The following TRAPPC9 variants were observed in gnomAD, a reference collection of about 807,000 sequenced individuals.
TRAPPC9 encodes the protein trafficking protein particle complex subunit 9.
A neutral mutation model predicts 124.0 loss-of-function variants in TRAPPC9; 83 were observed. The observed-to-expected ratio is 0.67, with a 90% CI of 0.56 to 0.80. The LOEUF (loss-of-function observed/expected upper bound fraction) is 0.80. Among genes scored for constraint, TRAPPC9 ranks in the 30% least tolerant of loss-of-function variants. The probability of loss-of-function intolerance (pLI) is 0.00; values close to 1 mark genes in which losing one functional copy is unlikely to be tolerated. For missense variants in TRAPPC9, 1,302 were observed against 1,508.3 expected (o/e 0.86, Z 2.27); for synonymous variants, 638 against 617.5 (o/e 1.03, Z -0.49).
At chr8:140,071,645 G>A (rs1027663558) in intron 17 of TRAPPC9, among the ~76,000 whole-genome samples, 2 of 151,366 alleles carry the variant, frequency 1.3e-5, no homozygotes, top group Admixed American at 6.6e-5. Flanking sequence ...GGACGGTAAC[G>A]CCTGCCCCAC....
At chr8:140,274,136 T>C (rs1029329425) in intron 15 of TRAPPC9, among the ~76,000 whole-genome samples, 2 of 151,918 alleles carry the variant, frequency 1.3e-5, no homozygotes, top group Non-Finnish European at 2.9e-5. Flanking sequence ...ATTTAGCATA[T>C]AACAATTTGC....
chr8:140,094,997 A>G (rs921339854), intron 17 of TRAPPC9: 3 of 152,232 alleles, frequency 2.0e-5, no homozygotes, highest in Non-Finnish European at 2.9e-5. Flanking sequence ...GAAATAGTAA[A>G]TGCATAACCC....
chr8:139,963,773 A>C lies in TRAPPC9; in HGVS notation c.2810+24953T>G, dbSNP rs1410368765. 1.2e-4 allele frequency among the ~76,000 whole-genome samples: 13 copies of C among 109,374 alleles called. No individual in the cohort carries two copies. The South Asian group carries it at 2.9e-3, about 25-fold the overall frequency. 71.8% of individuals were successfully genotyped at this position (109,374 alleles called of 152,430 possible). A position where few individuals can be genotyped will look rare whatever the true frequency, so the allele number is the denominator to read the frequency against. On this transcript the variant is annotated intron_variant, in intron 19 of 22. Coordinates refer to ENST00000438773, the MANE Select transcript of TRAPPC9 (RefSeq NM_001160372.4). ...CCAAAAAAAAAAAAAAAAAAAAAAA[A>C]AAAACAACTACAGACCAAGTCTCAA...
intron 21 of TRAPPC9, among the ~76,000 whole-genome samples, chr8:139,856,579 C>T (rs1827811247): frequency 6.6e-6 from 1 of 152,168 alleles, no homozygotes; most frequent in Admixed American, 6.5e-5. Context: ...AACAGCAAAG[C>T]AGCTGGACAG....
chr8:140,177,057 C>A (rs1016713612), intron 17 of TRAPPC9, among the ~76,000 whole-genome samples: 1 of 152,136 alleles, frequency 6.6e-6, no homozygotes, highest in Non-Finnish European at 1.5e-5. Context: ...GTCTTTTTAA[C>A]AGATACATGT....
chr8:140,303,566 G>C (rs914828840), intron 10 of TRAPPC9, among the ~76,000 whole-genome samples: 5 of 152,214 alleles, frequency 3.3e-5, no homozygotes, highest in African/African-American at 9.7e-5. Flanking sequence ...TGTGGGCTTG[G>C]CTGCCTCCTG....
chr8:140,383,837 G>A (rs1311405253), intron 7 of TRAPPC9, among the ~76,000 whole-genome samples: 1 of 152,068 alleles, frequency 6.6e-6, no homozygotes, highest in Non-Finnish European at 1.5e-5. Context: ...TCCTCAAGAA[G>A]AGCAACTCCA....
In TRAPPC9 at chr8:139,957,572, G is replaced by T. The variant is rs562099085; in HGVS notation, c.2810+31154C>A. Among the ~76,000 whole-genome samples the T allele has an allele frequency of 9.0e-4, 137 of 152,272 alleles. 1 individual carries two copies. The highest frequency in any genetic ancestry group is 1.6e-3 in the Non-Finnish European group (108 of 68,018). On this transcript the variant is annotated intron_variant, in intron 19 of 22. Transcript: ENST00000438773. ...TACCATGCCTTCTGGCGCCTGGCAC[G>T]TGTGCTCAGTACACAGAGCTGTGCT... is the stretch of plus-strand genomic sequence containing the variant.
At chr8:140,022,625 A>G (rs931343232) in intron 18 of TRAPPC9, among the ~76,000 whole-genome samples, 3 of 152,230 alleles carry the variant, frequency 2.0e-5, no homozygotes, top group African/African-American at 7.2e-5. Flanking sequence ...TGAGGGGATG[A>G]GAGAGAAACA....
intron 21 of TRAPPC9, among the ~76,000 whole-genome samples, chr8:139,819,943 G>A (rs1389823286): frequency 2.8e-5 from 4 of 142,328 alleles, no homozygotes; most frequent in African/African-American, 5.2e-5. Flanking sequence ...GGGAGGCAGA[G>A]GTTGCAGTGA....
chr8:140,195,257 A>C (rs1452223870), intron 17 of TRAPPC9, among the ~76,000 whole-genome samples: 1 of 149,618 alleles, frequency 6.7e-6, no homozygotes, highest in African/African-American at 2.5e-5. Context: ...ACTAAAACAC[A>C]CAACGATCCA....
At chr8:140,447,418 C>G (rs982334606) in intron 2 of TRAPPC9, among the ~76,000 whole-genome samples, 2 of 152,000 alleles carry the variant, frequency 1.3e-5, no homozygotes, top group Admixed American at 6.6e-5. Flanking sequence ...TTTAATGCAA[C>G]ATGTTGACAG....
intron 19 of TRAPPC9, among the ~76,000 whole-genome samples, chr8:139,928,740 A>C (rs1003152459): frequency 1.3e-5 from 2 of 148,250 alleles, no homozygotes; most frequent in Non-Finnish European, 3.0e-5. Flanking sequence ...CCCTCTCTCC[A>C]CTCCTGAGAG....
rs568346392 is a variant in TRAPPC9 at position 140,443,048 on chromosome 8, G to A, written c.585-3851C>T. On this transcript the variant is annotated intron_variant, in intron 2 of 22. Transcript: ENST00000438773. Reference sequence around the variant, plus strand: ...CTCAGGAGGCTGAGGCAGGAGAATCGCTTGAACCCGGAAGGCAGAGGTTGC... The same window carrying A: ...CTCAGGAGGCTGAGGCAGGAGAATCACTTGAACCCGGAAGGCAGAGGTTGC... 2.1e-4 allele frequency among the ~76,000 whole-genome samples: 30 copies of A among 145,590 alleles called. 1 individual carries two copies. The East Asian group carries it at 4.7e-3, about 23-fold the overall frequency.
intron 1 of TRAPPC9, among the ~76,000 whole-genome samples, chr8:140,455,653 T>G (rs2071631578): frequency 6.6e-6 from 1 of 151,722 alleles, no homozygotes; most frequent in Admixed American, 6.6e-5. Context: ...ATGGTCTCGA[T>G]CTCTTGACCT....
At chr8:139,910,049 T>G (rs552509164) in intron 20 of TRAPPC9, 98 bp downstream of exon 20, 358 of 1,428,474 alleles carry the variant, frequency 2.5e-4, no homozygotes, top group Non-Finnish European at 3.3e-4. Context: ...CTACCTGTGG[T>G]GAAAATTCAA....
chr8:139,733,589 G>A (rs531692041), intron 21 of TRAPPC9, among the ~76,000 whole-genome samples: 1 of 152,326 alleles, frequency 6.6e-6, no homozygotes, highest in East Asian at 1.9e-4. Context: ...GCCAGCCTGA[G>A]CCCCATGGTC....
At chr8:140,026,868 T>C (rs1159542178) in intron 17 of TRAPPC9, among the ~76,000 whole-genome samples, 1 of 152,148 alleles carries the variant, frequency 6.6e-6, no homozygotes, top group East Asian at 1.9e-4. Flanking sequence ...CTCAATAAAA[T>C]ACAGATTTTT....
At chr8:140,290,972 C>G in intron 12 of TRAPPC9, 21 bp downstream of exon 12, 1 of 1,609,166 alleles carries the variant, frequency 6.2e-7, no homozygotes, top group Non-Finnish European at 8.5e-7. Context: ...CCAAAAAGGT[C>G]AAATGATTGG....
Sources: gnomAD v4.1 joint callset for allele counts (sites outside exome capture counted in the v4.1 genomes callset) on GRCh38, gnomAD v4.1.1 for gene constraint, MANE v1.5 for transcripts, NCBI Gene and HGNC (gene_info 2026-07-23, HGNC 2026-07-21) for gene names.